Variants in SPIDR observed in about 807,000 individuals in gnomAD.
SPIDR encodes scaffold protein involved in DNA repair, also known as DNA repair-scaffolding protein.
Under a neutral mutation model 104.6 loss-of-function variants are expected in SPIDR, and 93 were observed. The ratio of observed to expected loss-of-function variants is 0.89; its 90% CI spans 0.75 to 1.06. The LOEUF (loss-of-function observed/expected upper bound fraction) is 1.06, where lower values mean the gene tolerates loss of function less well. Ranked by LOEUF, SPIDR falls within the 50% of genes least tolerant of loss-of-function variation. The pLI is 0.00. For synonymous variants in SPIDR, 431 were observed against 416.9 expected, an observed-to-expected ratio of 1.03 and a Z score of -0.41; for missense variants, 1,154 against 1,111.2, an observed-to-expected ratio of 1.04 and a Z score of -0.55.
intron 7 of SPIDR, among the ~76,000 whole-genome samples, chr8:47,423,190 C>T (rs1372739683): frequency 6.6e-6 from 1 of 151,352 alleles, no homozygotes; most frequent in African/African-American, 2.4e-5. Flanking sequence ...CCCAGCTACT[C>T]GGGAGGCTGT....
Position 47,439,282 on chromosome 8 carries a change from G to T in SPIDR, c.878-1041G>T, listed in dbSNP as rs574639448. ...AGACAGTGGCTTTCATGACTTTTCT[G>T]TGAATCCTTCTATTTATGTTTTTAT... On this transcript the variant is annotated intron_variant, in intron 7 of 19. Coordinates refer to ENST00000297423, the MANE Select transcript of SPIDR (RefSeq NM_001080394.4). Among the ~76,000 whole-genome samples, 15 of 152,204 alleles carry T rather than the reference G, an allele frequency of 9.9e-5. No homozygotes were observed. In the South Asian group the frequency reaches 2.7e-3, roughly 27 times the overall value.
intron 5 of SPIDR, among the ~76,000 whole-genome samples, chr8:47,324,317 C>A (rs1338960963): frequency 6.7e-6 from 1 of 150,360 alleles, no homozygotes; most frequent in Admixed American, 6.6e-5. Flanking sequence ...TCCTTCTTTC[C>A]CCTATCCCCC....
At chr8:47,598,821 G>A (rs2061923425) in intron 9 of SPIDR, 125 bp from the exon 10 acceptor site, 1 of 1,218,112 alleles carries the variant, frequency 8.2e-7, no homozygotes, top group Non-Finnish European at 1.2e-6. Context: ...TCACTTCAGT[G>A]TAGTGCAGAT....
chr8:47,331,448 T>C (rs1328705698), intron 5 of SPIDR, among the ~76,000 whole-genome samples: 1 of 152,176 alleles, frequency 6.6e-6, no homozygotes, highest in Non-Finnish European at 1.5e-5. Flanking sequence ...CTGTAGACAA[T>C]TGGAACACAA....
At chr8:47,538,265 C>T (rs1444916398) in intron 8 of SPIDR, among the ~76,000 whole-genome samples, 1 of 152,118 alleles carries the variant, frequency 6.6e-6, no homozygotes, top group Non-Finnish European at 1.5e-5. Context: ...TAAATTAAGG[C>T]TGGGCGTGGT....
chr8:47,454,852 G>A (rs2072641001), intron 8 of SPIDR, among the ~76,000 whole-genome samples: 1 of 151,644 alleles, frequency 6.6e-6, no homozygotes, highest in Admixed American at 6.6e-5. Context: ...ATTCCCTCCA[G>A]CCCAGACAAC....
chr8:47,582,613 G>A (rs1381909811), intron 8 of SPIDR, among the ~76,000 whole-genome samples: 1 of 152,072 alleles, frequency 6.6e-6, no homozygotes, highest in African/African-American at 2.4e-5. Context: ...TTAATGCAAA[G>A]CGTTTGTTTA....
rs570431031 is a variant in SPIDR at position 47,728,461 on chromosome 8, A to AC, written c.2436-472_2436-471insC. Among the ~76,000 whole-genome samples, 115 of 152,216 alleles carry AC rather than the reference A, an allele frequency of 7.6e-4. 1 individual carries two copies. The highest frequency in any genetic ancestry group is 4.9e-3 in the Admixed American group (75 of 15,294). ...CCATCTCAAAGAAAAGGAAAAAAAA[A>AC]ACACACACAAAGCAAAGAGCAAATG... On this transcript the variant is annotated intron_variant, in intron 17 of 19. Transcript: ENST00000297423.
At position 47,331,359 on chromosome 8, in the gene SPIDR, A is replaced by C. The variant is rs143476198; in HGVS notation, c.525+37329A>C. ...GTTCTTACTCAAACCTAGGTGGTTT[A>C]GTCTACTACACACCTACACTATATG... On this transcript the variant is annotated intron_variant, in intron 5 of 19. Transcript: ENST00000297423. Among the ~76,000 whole-genome samples the C allele has an allele frequency of 3.9e-3, 594 of 152,328 alleles. 3 individuals are homozygous for C. Among genetic ancestry groups the C allele is most frequent in the South Asian group, 0.022 (107 of 4,826 alleles).
intron 5 of SPIDR, among the ~76,000 whole-genome samples, chr8:47,355,521 T>C (rs1380111710): frequency 6.6e-6 from 1 of 152,156 alleles, no homozygotes; most frequent in African/African-American, 2.4e-5. Context: ...TGGGAACCTA[T>C]TTGATATCAC....
At chr8:47,732,589 A>AT (rs1208071764) in intron 19 of SPIDR, 1 of 189,202 alleles carries the variant, frequency 5.3e-6, no homozygotes, top group East Asian at 1.4e-4. Flanking sequence ...ACAGTGGCTG[A>AT]TCAGGTCTTT....
At chr8:47,650,936 T>G (rs960881758) in intron 10 of SPIDR, among the ~76,000 whole-genome samples, 1 of 152,156 alleles carries the variant, frequency 6.6e-6, no homozygotes, top group Non-Finnish European at 1.5e-5. Flanking sequence ...ATCTCTCACC[T>G]TATACAAAAT....
rs577674947 is a variant in SPIDR at position 47,435,739 on chromosome 8, G to A, written c.878-4584G>A. ...GCCACAGCAATAGGCCTCAGAGTCC[G>A]TTTCTCAACCTGAAACATTGTCTGT... On this transcript the variant is annotated intron_variant, in intron 7 of 19. Coordinates refer to ENST00000297423, the MANE Select transcript of SPIDR (RefSeq NM_001080394.4). Among the ~76,000 whole-genome samples the A allele has an allele frequency of 7.2e-5, 11 of 152,298 alleles. No individual in the cohort carries two copies. In the South Asian group the frequency reaches 1.5e-3, roughly 20 times the overall value.
intron 7 of SPIDR, among the ~76,000 whole-genome samples, chr8:47,423,575 C>G (rs1467460121): frequency 2.6e-5 from 4 of 151,996 alleles, no homozygotes; most frequent in African/African-American, 9.7e-5. Context: ...GCACTGCTAT[C>G]TGGGCAACAG....
chr8:47,623,504 A>G (rs2065477368), intron 10 of SPIDR, among the ~76,000 whole-genome samples: 1 of 152,220 alleles, frequency 6.6e-6, no homozygotes, highest in Non-Finnish European at 1.5e-5. Context: ...TCTCACGTGC[A>G]GAGACACATA....
rs200441926 is a variant in SPIDR, at chr8:47,445,852, C to T, written c.1097+5310C>T. On this transcript the variant is annotated intron_variant, in intron 8 of 19. Coordinates refer to ENST00000297423, the MANE Select transcript of SPIDR (RefSeq NM_001080394.4). ...CCCTTAAACCAAGCCTAATCCAGAG[C>T]GAAACCCTAACCTTCTACAATTCTT... 1.4e-4 allele frequency among the ~76,000 whole-genome samples: 22 copies of T among 152,258 alleles called. No individual in the cohort carries two copies. The East Asian group carries it at 2.1e-3, about 15-fold the overall frequency.
intron 5 of SPIDR, among the ~76,000 whole-genome samples, chr8:47,326,872 C>T (rs1325352547): frequency 6.6e-6 from 1 of 152,180 alleles, no homozygotes; most frequent in African/African-American, 2.4e-5. Flanking sequence ...GTATTTATTT[C>T]CTCCCTTTGG....
At chr8:47,282,351 G>A (rs2037952693) in intron 2 of SPIDR, among the ~76,000 whole-genome samples, 1 of 152,182 alleles carries the variant, frequency 6.6e-6, no homozygotes, top group Admixed American at 6.5e-5. Flanking sequence ...GTCTTAAAGG[G>A]CATCATCTTC....
At chr8:47,714,074 C>T (rs547484453) in intron 16 of SPIDR, among the ~76,000 whole-genome samples, 1 of 152,080 alleles carries the variant, frequency 6.6e-6, no homozygotes, top group African/African-American at 2.4e-5. Flanking sequence ...TGGGAAGAGG[C>T]AGGACAGGCA....
Sources: gnomAD v4.1 joint callset for allele counts (sites outside exome capture counted in the v4.1 genomes callset) on GRCh38, gnomAD v4.1.1 for gene constraint, MANE v1.5 for transcripts, NCBI Gene and HGNC (gene_info 2026-07-23, HGNC 2026-07-21) for gene names.